Variants in PCDH15 observed in about 807,000 individuals in gnomAD.
PCDH15 encodes protocadherin-15.
Under a neutral mutation model 178.5 loss-of-function variants are expected in PCDH15, and 129 were observed. The observed-to-expected ratio is 0.72, with a 90% CI of 0.63 to 0.84. The LOEUF (loss-of-function observed/expected upper bound fraction) is 0.84. Among genes scored for constraint, PCDH15 ranks in the 40% least tolerant of loss-of-function variants. The pLI is 0.00. For missense variants in PCDH15, 2,230 were observed against 2,099.9 expected (o/e 1.06, Z -1.21); for synonymous variants, 800 against 732.0 (o/e 1.09, Z -1.50).
intron 8 of PCDH15, among the ~76,000 whole-genome samples, chr10:54,279,736 A>G (rs1309235321): frequency 6.6e-6 from 1 of 151,742 alleles, no homozygotes; most frequent in Non-Finnish European, 1.5e-5. Context: ...AGTCTCAGAT[A>G]TATAAAAATT....
At chr10:54,379,070 A>G in intron 3 of PCDH15, 128 bp from the exon 4 acceptor site, 1 of 930,056 alleles carries the variant, frequency 1.1e-6, no homozygotes, top group East Asian at 2.4e-5. Flanking sequence ...CTGTATATCT[A>G]GCATAAGACA....
intron 18 of PCDH15, among the ~76,000 whole-genome samples, chr10:54,026,966 A>G (rs1189562353): frequency 6.7e-6 from 1 of 149,428 alleles, no homozygotes; most frequent in Non-Finnish European, 1.5e-5. Flanking sequence ...AAGGAAATAA[A>G]GGGTATTCAA....
At chr10:54,438,268 CTTTTTTTTTTTTTT>C (rs1039826987) in intron 3 of PCDH15, among the ~76,000 whole-genome samples, 1 of 93,992 alleles carries the variant, frequency 1.1e-5, no homozygotes, top group Non-Finnish European at 2.1e-5. Flanking sequence ...AAGAGAAAAG[CTTTTTTTTTTTTTT>C]TTTTTTTTTA....
intron 2 of PCDH15, among the ~76,000 whole-genome samples, chr10:55,325,608 A>G (rs1844010735): frequency 6.6e-6 from 1 of 152,110 alleles, no homozygotes; most frequent in African/African-American, 2.4e-5. Context: ...CTAAAACTAT[A>G]AACATCCTGG....
chr10:53,875,492 C>A (rs2080166146), intron 26 of PCDH15, among the ~76,000 whole-genome samples: 1 of 151,706 alleles, frequency 6.6e-6, no homozygotes, highest in South Asian at 2.1e-4. Context: ...TTACTTTTTC[C>A]ACCAATTTCT....
At chr10:55,188,641 GT>G (rs541499648) in intron 1 of PCDH15, among the ~76,000 whole-genome samples, 26 of 151,406 alleles carry the variant, frequency 1.7e-4, no homozygotes, top group Admixed American at 1.4e-3. Context: ...AGTTATTTTA[GT>G]TGCCATAAGA....
chr10:55,486,368 G>A (rs1372615285), intron 2 of PCDH15, among the ~76,000 whole-genome samples: 1 of 151,566 alleles, frequency 6.6e-6, no homozygotes, highest in Non-Finnish European at 1.5e-5. Context: ...CTATATGTAT[G>A]AGTTGAAGAA....
At chr10:54,979,815 C>T (rs1922142) in intron 2 of PCDH15, among the ~76,000 whole-genome samples, 6,685 of 151,548 alleles carry the variant, frequency 0.044, 487 homozygotes, top group African/African-American at 0.15. Flanking sequence ...CCATATTCTA[C>T]GTGTAACATA....
chr10:54,609,056 ATTC>A (rs1390640134), intron 2 of PCDH15, among the ~76,000 whole-genome samples: 2 of 152,136 alleles, frequency 1.3e-5, no homozygotes, highest in African/African-American at 4.8e-5. Flanking sequence ...ATAAAAAATT[ATTC>A]AATGTGAAAC....
At position 53,809,803 on chromosome 10, in the gene PCDH15, A is replaced by T. The variant is rs10763007; in HGVS notation, c.4671+753T>A. 0.4 allele frequency among the ~76,000 whole-genome samples: 60,218 copies of T among 151,542 alleles called. 14,637 individuals are homozygous for T. The highest frequency in any genetic ancestry group is 0.93 in the East Asian group (4,749 of 5,100). On this transcript the variant is annotated intron_variant, in intron 37 of 37. Coordinates refer to ENST00000644397, the MANE Select transcript of PCDH15 (RefSeq NM_001384140.1). Reference sequence around the variant, plus strand: ...TTTCCTTCTTGTTACTCAACGTTTAATTTTCCTCTTAGATCAAATAAAAAA... The same window carrying T: ...TTTCCTTCTTGTTACTCAACGTTTATTTTTCCTCTTAGATCAAATAAAAAA...
At chr10:53,916,995 A>G (rs1309774077) in intron 25 of PCDH15, among the ~76,000 whole-genome samples, 1 of 152,188 alleles carries the variant, frequency 6.6e-6, no homozygotes, top group Non-Finnish European at 1.5e-5. Flanking sequence ...CTAAATTTTA[A>G]AAGAAAATGG....
intron 2 of PCDH15, among the ~76,000 whole-genome samples, chr10:54,662,514 T>C (rs1256442945): frequency 2.0e-5 from 3 of 151,926 alleles, no homozygotes; most frequent in Non-Finnish European, 4.4e-5. Context: ...CTTCAGAAAG[T>C]TGACTATGCA....
chr10:54,090,155 G>C (rs1015196661), intron 15 of PCDH15, 92 bp from the exon 16 acceptor site: 7 of 953,058 alleles, frequency 7.3e-6, no homozygotes, highest in Non-Finnish European at 1.2e-5. Flanking sequence ...TAATAGCACA[G>C]AATGTCCATG....
intron 8 of PCDH15, among the ~76,000 whole-genome samples, chr10:54,254,568 T>C (rs1206035977): frequency 6.6e-6 from 1 of 152,114 alleles, no homozygotes; most frequent in East Asian, 1.9e-4. Context: ...ACAAACAGAA[T>C]AGAAGCTTCC....
chr10:53,814,143 C>T (rs536496338), intron 35 of PCDH15, among the ~76,000 whole-genome samples: 1 of 152,130 alleles, frequency 6.6e-6, no homozygotes, highest in South Asian at 2.1e-4. Context: ...AGTGTAATGA[C>T]ACTGGTTTAA....
At chr10:54,679,871 C>G (rs1239549188) in intron 1 of PCDH15, among the ~76,000 whole-genome samples, 1 of 152,076 alleles carries the variant, frequency 6.6e-6, no homozygotes, top group Non-Finnish European at 1.5e-5. Flanking sequence ...TTTCCAATAG[C>G]TTGTAAACTT....
intron 2 of PCDH15, among the ~76,000 whole-genome samples, chr10:55,077,334 T>C (rs1841921264): frequency 6.6e-6 from 1 of 152,106 alleles, no homozygotes; most frequent in African/African-American, 2.4e-5. Context: ...TTGTTTTGCA[T>C]GTGTATTCAA....
At chr10:55,300,584 T>A (rs1216393103) in intron 1 of PCDH15, among the ~76,000 whole-genome samples, 2 of 152,158 alleles carry the variant, frequency 1.3e-5, no homozygotes, top group Non-Finnish European at 2.9e-5. Flanking sequence ...AATATTTACA[T>A]CAACATTTTC....
chr10:54,530,978 T>C (rs2083851584), intron 2 of PCDH15, among the ~76,000 whole-genome samples: 1 of 152,172 alleles, frequency 6.6e-6, no homozygotes, highest in Non-Finnish European at 1.5e-5. Flanking sequence ...ATATTTAGAA[T>C]TGTCTTGGAA....
Sources: gnomAD v4.1 joint callset for allele counts (sites outside exome capture counted in the v4.1 genomes callset) on GRCh38, gnomAD v4.1.1 for gene constraint, MANE v1.5 for transcripts, NCBI Gene and HGNC (gene_info 2026-07-23, HGNC 2026-07-21) for gene names.